The following PSD2 variants were observed in gnomAD, a reference collection of about 807,000 sequenced individuals.
PSD2 encodes pleckstrin and Sec7 domain containing 2, also known as PH and SEC7 domain-containing protein 2.
Under a neutral mutation model 69.8 loss-of-function variants are expected in PSD2, and 38 were observed. The observed-to-expected ratio is 0.54, with a 90% CI of 0.42 to 0.71. PSD2 has a LOEUF of 0.71. Ranked by LOEUF, PSD2 falls within the 30% of genes least tolerant of loss-of-function variation. The pLI is 0.00. For synonymous variants in PSD2, 412 were observed against 423.0 expected (o/e 0.97, Z 0.32); for missense variants, 943 against 1,014.5 (o/e 0.93, Z 0.96).
intron 13 of PSD2, 39 bp downstream of exon 13, chr5:139,838,811 G>T (rs774259981): frequency 1.3e-6 from 2 of 1,592,896 alleles, no homozygotes; most frequent in Non-Finnish European, 1.7e-6. Context: ...TCCCCAGGCT[G>T]CCATCCTCAG....
chr5:139,800,973 G>A (rs1395633013), intron 1 of PSD2, among the ~76,000 whole-genome samples: 1 of 152,174 alleles, frequency 6.6e-6, no homozygotes, highest in African/African-American at 2.4e-5. Context: ...GGGAGGCTGA[G>A]ATAGGTGGAT....
intron 7 of PSD2, among the ~76,000 whole-genome samples, chr5:139,825,236 G>T (rs1760385604): frequency 6.6e-6 from 1 of 152,220 alleles, no homozygotes; most frequent in African/African-American, 2.4e-5. Context: ...GCAAGGTTTG[G>T]GCAGAGACCT....
the PSD2 span, among the ~76,000 whole-genome samples, chr5:139,751,688 C>T: frequency 4.0e-4 from 61 of 151,888 alleles, no homozygotes; most frequent in Admixed American, 2.9e-3. Flanking sequence ...ATTGAGATGT[C>T]GATGCTCATC....
the PSD2 span, among the ~76,000 whole-genome samples, chr5:139,787,861 C>T: frequency 3.9e-5 from 6 of 152,214 alleles, no homozygotes; most frequent in African/African-American, 9.6e-5. Context: ...TGTTGTGTAA[C>T]GGCACGGCCT....
At position 139,837,717 on chromosome 5, in the gene PSD2, C is replaced by T; in HGVS notation, c.1758C>T (p.Tyr586=). ...CTCTGGCCACCAGGGCCTCTGACTA[C>T]AGCAAGAAGTCCAACGTGCTGAAGC... is the stretch of plus-strand genomic sequence containing the variant. ...HHALATRASD[Y]SKKSNVLKLK... is the part of the protein sequence containing the mutation. The change falls in exon 12 of 15, where the codon TAC becomes TAT. Residue 586 remains tyrosine (Y), a synonymous_variant. Transcript: ENST00000274710. This position sits in a 1 kb window ranked among gnomAD's most constrained non-coding sequence, Gnocchi z 5.0. 6.2e-6 allele frequency: 10 copies of T among 1,614,114 alleles called. No homozygotes were observed. Among genetic ancestry groups the T allele is most frequent in the Non-Finnish European group, 7.6e-6 (9 of 1,179,974 alleles).
At chr5:139,761,085 A>G in the PSD2 span, among the ~76,000 whole-genome samples, 1 of 152,190 alleles carries the variant, frequency 6.6e-6, no homozygotes, top group Non-Finnish European at 1.5e-5. Context: ...GTGTGAGAGA[A>G]GAAAGACTCA....
chr5:139,841,330 A>G (rs1403811277), intron 14 of PSD2, among the ~76,000 whole-genome samples: 1 of 152,206 alleles, frequency 6.6e-6, no homozygotes, highest in African/African-American at 2.4e-5. Context: ...TAATGTCCCA[A>G]TAATGGAACA....
At chr5:139,756,151 G>A in the PSD2 span, among the ~76,000 whole-genome samples, 1 of 152,186 alleles carries the variant, frequency 6.6e-6, no homozygotes, top group African/African-American at 2.4e-5. Context: ...GTCTGGGGGC[G>A]GGGAGGGAAG....
intron 8 of PSD2, 22 bp downstream of exon 8, chr5:139,833,813 C>T: frequency 6.4e-7 from 1 of 1,553,048 alleles, no homozygotes; most frequent in Non-Finnish European, 8.9e-7. Context: ...TGAGTGTCCC[C>T]ATCCCACTAG....
chr5:139,786,975 T>C, the PSD2 span, among the ~76,000 whole-genome samples: 1 of 152,006 alleles, frequency 6.6e-6, no homozygotes, highest in Non-Finnish European at 1.5e-5. Flanking sequence ...TCAGTTTGAG[T>C]TGGGATTCTG....
chr5:139,771,097 A>G, the PSD2 span, among the ~76,000 whole-genome samples: 2 of 152,270 alleles, frequency 1.3e-5, no homozygotes, highest in Admixed American at 6.5e-5. Flanking sequence ...ATCTCTAGGT[A>G]CAGATACATA....
At chr5:139,761,745 C>T in the PSD2 span, among the ~76,000 whole-genome samples, 2 of 152,198 alleles carry the variant, frequency 1.3e-5, no homozygotes, top group Non-Finnish European at 1.5e-5. Flanking sequence ...GGTGCTGTTT[C>T]CTGACTGCTC....
the PSD2 span, among the ~76,000 whole-genome samples, chr5:139,758,325 G>A: frequency 6.6e-6 from 1 of 152,284 alleles, no homozygotes; most frequent in Non-Finnish European, 1.5e-5. Context: ...TTGAGGGCTG[G>A]GGACAGGAAG....
At chr5:139,799,824 G>A (rs1166209555) in intron 1 of PSD2, among the ~76,000 whole-genome samples, 1 of 152,112 alleles carries the variant, frequency 6.6e-6, no homozygotes, top group Non-Finnish European at 1.5e-5. Context: ...GAAGCAGAAC[G>A]GACAGGCCCT....
intron 1 of PSD2, among the ~76,000 whole-genome samples, chr5:139,802,822 C>T (rs58220186): frequency 0.25 from 38,685 of 152,040 alleles, 5,185 homozygotes; most frequent in African/African-American, 0.34. Context: ...GAGAAGCAAG[C>T]TGGGAGATGT....
chr5:139,744,192 C>T, the PSD2 span, among the ~76,000 whole-genome samples: 11 of 152,214 alleles, frequency 7.2e-5, no homozygotes, highest in African/African-American at 2.7e-4. Flanking sequence ...ACTTGTCCTA[C>T]TGCACCCCTC....
intron 5 of PSD2, among the ~76,000 whole-genome samples, chr5:139,818,386 A>T (rs1760177660): frequency 1.3e-5 from 2 of 152,022 alleles, no homozygotes; most frequent in African/African-American, 4.8e-5. Context: ...CTCTACAAAA[A>T]AGTAGAAAAA....
At chr5:139,819,615 G>A (rs1459704059) in intron 5 of PSD2, among the ~76,000 whole-genome samples, 1 of 152,176 alleles carries the variant, frequency 6.6e-6, no homozygotes, top group African/African-American at 2.4e-5. Context: ...AAAAGCAGCT[G>A]CAGAAGGTCA....
chr5:139,817,391 C>A, intron 4 of PSD2, 90 bp from the exon 5 acceptor site: 1 of 1,170,880 alleles, frequency 8.5e-7, no homozygotes, highest in Non-Finnish European at 1.3e-6. Context: ...GTGGGTGGGT[C>A]CGGGTACCCT....
Sources: gnomAD v4.1 joint callset for allele counts (sites outside exome capture counted in the v4.1 genomes callset) on GRCh38, gnomAD v4.1.1 for gene constraint, Gnocchi (gnomAD v3.1) non-coding constraint, MANE v1.5 for transcripts, NCBI Gene and HGNC (gene_info 2026-07-23, HGNC 2026-07-21) for gene names.